FSCN1: variants seen among roughly 807,000 people sequenced by gnomAD.
FSCN1 encodes fascin.
In FSCN1, 10 loss-of-function variants were observed where a neutral mutation model predicts 39.7. That is an observed-to-expected ratio of 0.25 (90% CI 0.16 to 0.43). The LOEUF (loss-of-function observed/expected upper bound fraction) is 0.43, where lower values mean the gene tolerates loss of function less well. Ranked by LOEUF, FSCN1 falls within the 20% of genes least tolerant of loss-of-function variation. FSCN1 has a pLI of 1.00. For synonymous variants in FSCN1, 322 were observed against 320.0 expected (o/e 1.01, Z -0.07); for missense variants, 525 against 723.8 (o/e 0.73, Z 3.15).
At chr7:5,596,029 G>A (rs1409754516) in intron 1 of FSCN1, among the ~76,000 whole-genome samples, 1 of 151,666 alleles carries the variant, frequency 6.6e-6, no homozygotes, top group Non-Finnish European at 1.5e-5. Flanking sequence ...GTGGGACGGC[G>A]CGGGGGTGGG....
rs1356030754 is a variant in FSCN1, at chr7:5,593,651, A to G, written c.715A>G (p.Thr239Ala). The change falls in exon 1 of 5, where the codon ACG becomes GCG. Residue 239 changes from threonine to alanine, a missense_variant. Around this residue, in one of 3 missense-constraint regions of FSCN1, gnomAD observed 4 missense variants for 21.3 expected, o/e 0.19. Transcript: ENST00000382361. ...RYLAPSGPSG[T>A]LKAGKATKVG... Reference sequence around the variant, plus strand: ...CCTGGCGCCGTCGGGGCCCAGCGGCACGCTCAAGGCGGGCAAGGCCACCAA... The same window carrying G: ...CCTGGCGCCGTCGGGGCCCAGCGGCGCGCTCAAGGCGGGCAAGGCCACCAA... 1.0e-5 allele frequency: 16 copies of G among 1,578,750 alleles called. No homozygotes were observed. The highest frequency in any genetic ancestry group is 1.3e-5 in the Non-Finnish European group (15 of 1,169,836).
At chr7:5,596,256 G>T (rs1452813419) in intron 1 of FSCN1, among the ~76,000 whole-genome samples, 1 of 152,170 alleles carries the variant, frequency 6.6e-6, no homozygotes, top group African/African-American at 2.4e-5. Flanking sequence ...AGCCAGGAAG[G>T]GGAGGATCCG....
Position 5,593,653 on chromosome 7 carries a change from G to A in FSCN1, c.717G>A (p.Thr239=), listed in dbSNP as rs1394134922. Residue 239 remains threonine (T), a synonymous_variant, in exon 1 of 5, where the codon ACG becomes ACA. Coordinates refer to ENST00000382361, the MANE Select transcript of FSCN1 (RefSeq NM_003088.4). ...TGGCGCCGTCGGGGCCCAGCGGCAC[G>A]CTCAAGGCGGGCAAGGCCACCAAGG... ...RYLAPSGPSG[T]LKAGKATKVG... is the part of the protein sequence containing the mutation. The A allele has an allele frequency of 9.5e-6, 15 of 1,580,308 alleles. No individual in the cohort carries two copies. In the East Asian group the frequency reaches 3.2e-4, roughly 34 times the overall value.
At chr7:5,596,281 G>A (rs917888310) in intron 1 of FSCN1, among the ~76,000 whole-genome samples, 2 of 152,166 alleles carry the variant, frequency 1.3e-5, no homozygotes, top group African/African-American at 2.4e-5. Context: ...TAGCTGGCAG[G>A]GGGGATGTGA....
Position 5,592,895 on chromosome 7 carries a change from C to A in FSCN1, c.-42C>A. The stretch of plus-strand genomic sequence containing the variant: ...GGCGCCGCCGCAGGGACCCGCCACC[C>A]ACCTCCCGGGGCCGCGCAGCGGCCT... On this transcript the variant is annotated 5_prime_UTR_variant, in exon 1 of 5. Coordinates refer to ENST00000382361, the MANE Select transcript of FSCN1 (RefSeq NM_003088.4). This position sits in a 1 kb window ranked among gnomAD's most constrained non-coding sequence, Gnocchi z 5.3. The A allele has an allele frequency of 7.7e-7, 1 of 1,291,598 alleles. No homozygotes were observed. Among genetic ancestry groups the A allele is most frequent in the South Asian group, 1.5e-5 (1 of 64,862 alleles). The allele number at this position is 1,291,598 out of a possible 1,614,324, so 80.0% of individuals were successfully genotyped here.
In FSCN1 at chr7:5,603,462, C is replaced by T; in HGVS notation, c.990-34C>T. 1 of 1,614,016 alleles carries T rather than the reference C, an allele frequency of 6.2e-7. No individual in the cohort carries two copies. The highest frequency in any genetic ancestry group is 8.5e-7 in the Non-Finnish European group (1 of 1,179,994). ...CACCGCCCCCACCACCTTGCCTGGG[C>T]TACCCCGCCTGACCCTGTCCCGCCA... On this transcript the variant is annotated intron_variant, in intron 2 of 4. Coordinates refer to ENST00000382361, the MANE Select transcript of FSCN1 (RefSeq NM_003088.4). The surrounding 1 kb of genome is among the most constrained non-coding windows in gnomAD (Gnocchi z 8.5).
chr7:5,595,107 G>C (rs1360828277), intron 1 of FSCN1, among the ~76,000 whole-genome samples: 4 of 152,220 alleles, frequency 2.6e-5, no homozygotes, highest in African/African-American at 9.6e-5. Flanking sequence ...GAGATGGCTG[G>C]ACGGGAGCCC....
intron 1 of FSCN1, among the ~76,000 whole-genome samples, chr7:5,594,363 G>C (rs999393297): frequency 1.3e-5 from 2 of 151,884 alleles, no homozygotes; most frequent in Admixed American, 6.5e-5. Flanking sequence ...TCCGCTGGTG[G>C]GGGGGGGCGC....
rs1785939500 is a variant in FSCN1, at chr7:5,606,646, T to G, written c.*1172T>G. ...AATAGCGAAATAAAATAACTCAGTC[T>G]GCAGCCCCAGGCCGGCCTGTGTGTG... On this transcript the variant is annotated 3_prime_UTR_variant, in exon 5 of 5. Transcript: ENST00000382361. The surrounding 1 kb of genome is among the most constrained non-coding windows in gnomAD (Gnocchi z 5.1). 6.9e-6 allele frequency: 1 copy of G among 143,964 alleles called. No homozygotes were observed. Among genetic ancestry groups the G allele is most frequent in the African/African-American group, 2.5e-5 (1 of 39,310 alleles). The allele number at this position is 143,964 out of a possible 1,614,324, so 8.9% of individuals were successfully genotyped here. A position where few individuals can be genotyped will look rare whatever the true frequency, so the allele number is the denominator to read the frequency against.
In FSCN1 at chr7:5,593,235, G is replaced by T. The variant is rs755393215; in HGVS notation, c.299G>T (p.Arg100Leu). 6.2e-6 allele frequency: 10 copies of T among 1,608,126 alleles called. No individual in the cohort carries two copies. Among genetic ancestry groups the T allele is most frequent in the Admixed American group, 1.7e-5 (1 of 59,650 alleles). Reference protein sequence around the residue: ...RFLIVAHDDGRWSLQSEAHRR... With the variant: ...RFLIVAHDDGLWSLQSEAHRR... ...CTCATCGTGGCGCACGACGACGGTC[G>T]CTGGTCGCTGCAGTCCGAGGCGCAC... Residue 100 changes from arginine to leucine, a missense_variant, in exon 1 of 5, where the codon CGC becomes CTC. By Grantham distance (102) the Arg-to-Leu change is moderately radical. Coordinates refer to ENST00000382361, the MANE Select transcript of FSCN1 (RefSeq NM_003088.4).
intron 1 of FSCN1, among the ~76,000 whole-genome samples, chr7:5,598,582 G>A (rs1343644940): frequency 6.6e-6 from 1 of 152,234 alleles, no homozygotes; most frequent in Non-Finnish European, 1.5e-5. Context: ...TTGCAAGGCT[G>A]TGTGAGGACG....
chr7:5,599,621 C>A lies in FSCN1; in HGVS notation c.833-3636C>A, dbSNP rs1163006658. ...GAGTCCTGGAGTTTGGGCAACATAG[C>A]GAGACCACCCCCATCTCTACAAAAT... On this transcript the variant is annotated intron_variant, in intron 1 of 4. Coordinates refer to ENST00000382361, the MANE Select transcript of FSCN1 (RefSeq NM_003088.4). The surrounding 1 kb of genome is among the most constrained non-coding windows in gnomAD (Gnocchi z 5.6). 6.6e-6 allele frequency among the ~76,000 whole-genome samples: 1 copy of A among 151,906 alleles called. No individual in the cohort carries two copies. Among genetic ancestry groups the A allele is most frequent in the Admixed American group, 6.6e-5 (1 of 15,254 alleles).
Position 5,605,536 on chromosome 7 carries a change from C to A in FSCN1, c.*62C>A. 5.6e-6 allele frequency: 7 copies of A among 1,258,516 alleles called. No homozygotes were observed. The highest frequency in any genetic ancestry group is 7.7e-6 in the Non-Finnish European group (7 of 911,070). The allele number at this position is 1,258,516 out of a possible 1,614,324, so 78.0% of individuals were successfully genotyped here. On this transcript the variant is annotated 3_prime_UTR_variant, in exon 5 of 5. Transcript: ENST00000382361. The surrounding 1 kb of genome is among the most constrained non-coding windows in gnomAD (Gnocchi z 6.9). The stretch of plus-strand genomic sequence containing the variant: ...GGCTCCTGCCAACCCTCCCTGCTAA[C>A]CCCTTCTCCGCCAGGTGGGCTCCAG...
At position 5,594,360 on chromosome 7, in the gene FSCN1, GT is replaced by G. The variant is rs914543163; in HGVS notation, c.832+593del. On this transcript the variant is annotated intron_variant, in intron 1 of 4. Coordinates refer to ENST00000382361, the MANE Select transcript of FSCN1 (RefSeq NM_003088.4). ...TGCCGGGCGGGGTCGGCCTCCGCTG[GT>G]GGGGGGGGGCGCGGGGTGTCAGCCC... 6.7e-5 allele frequency among the ~76,000 whole-genome samples: 9 copies of G among 135,112 alleles called. No individual in the cohort carries two copies. In the South Asian group the frequency reaches 7.5e-4, roughly 11 times the overall value. 88.6% of individuals were successfully genotyped at this position (135,112 alleles called of 152,430 possible).
rs1439027649 is a variant in FSCN1, at chr7:5,603,409, A to G, written c.985A>G (p.Ser329Gly). 6.2e-7 allele frequency: 1 copy of G among 1,613,642 alleles called. No individual in the cohort carries two copies. Among genetic ancestry groups the G allele is most frequent in the African/African-American group, 1.3e-5 (1 of 74,932 alleles). The change falls in exon 2 of 5, where the codon AGC (serine) becomes GGC (glycine). Residue 329 changes from serine to glycine, a missense_variant. This residue lies in a region of FSCN1 where 275 missense variants were observed against 351.9 expected (regional missense o/e 0.78). Transcript: ENST00000382361. This position sits in a 1 kb window ranked among gnomAD's most constrained non-coding sequence, Gnocchi z 8.5. ...CGGGGGCGTGCAGTCCACCGCCTCCAGCAAGTGAGTGCCTCGCTCCCACCT... is the reference window on the plus strand; with the variant it reads ...CGGGGGCGTGCAGTCCACCGCCTCCGGCAAGTGAGTGCCTCGCTCCCACCT... ...ATGGVQSTAS[S>G]KNASCYFDIE...
Position 5,599,851 on chromosome 7 carries a change from C to G in FSCN1, c.833-3406C>G, listed in dbSNP as rs1396436135. Among the ~76,000 whole-genome samples the G allele has an allele frequency of 1.3e-5, 2 of 152,076 alleles. No homozygotes were observed. Among genetic ancestry groups the G allele is most frequent in the African/African-American group, 2.4e-5 (1 of 41,400 alleles). ...AGGATGTGTCCTCTGGGTGTGGGCTCTACCACCCACCAGCCTCCCTCTCCT... is the reference window on the plus strand; with the variant it reads ...AGGATGTGTCCTCTGGGTGTGGGCTGTACCACCCACCAGCCTCCCTCTCCT... On this transcript the variant is annotated intron_variant, in intron 1 of 4. Transcript: ENST00000382361. The surrounding 1 kb of genome is among the most constrained non-coding windows in gnomAD (Gnocchi z 5.6).
rs1241932036 is a variant in FSCN1, at chr7:5,599,138, T to C, written c.833-4119T>C. On this transcript the variant is annotated intron_variant, in intron 1 of 4. Coordinates refer to ENST00000382361, the MANE Select transcript of FSCN1 (RefSeq NM_003088.4). This position sits in a 1 kb window ranked among gnomAD's most constrained non-coding sequence, Gnocchi z 5.6. ...TCCCGGCACCCTGGGACCCAGCCCC[T>C]GCTCACCTTATCCTCCTCCCGTGCT... 6.6e-6 allele frequency among the ~76,000 whole-genome samples: 1 copy of C among 151,966 alleles called. No homozygotes were observed. The highest frequency in any genetic ancestry group is 6.6e-5 in the Admixed American group (1 of 15,266).
At position 5,593,148 on chromosome 7, in the gene FSCN1, C is replaced by T; in HGVS notation, c.212C>T (p.Ala71Val). 6.2e-7 allele frequency: 1 copy of T among 1,602,754 alleles called. No individual in the cohort carries two copies. Among genetic ancestry groups the T allele is most frequent in the Non-Finnish European group, 8.5e-7 (1 of 1,175,836 alleles). Reference protein sequence around the residue: ...CLRSHLGRYLAADKDGNVTCE... With the variant: ...CLRSHLGRYLVADKDGNVTCE... ...CGCAGCCACCTGGGCCGCTACCTGGCGGCGGACAAGGACGGCAACGTGACC... is the reference window on the plus strand; with the variant it reads ...CGCAGCCACCTGGGCCGCTACCTGGTGGCGGACAAGGACGGCAACGTGACC... Residue 71 changes from alanine (A) to valine (V), a missense_variant, in exon 1 of 5, where the codon GCG (alanine) becomes GTG (valine). Transcript: ENST00000382361.
At position 5,603,320 on chromosome 7, in the gene FSCN1, A is replaced by G. The variant is rs1367197937; in HGVS notation, c.896A>G (p.Asp299Gly). The G allele has an allele frequency of 6.2e-7, 1 of 1,613,418 alleles. No individual in the cohort carries two copies. The highest frequency in any genetic ancestry group is 2.2e-5 in the East Asian group (1 of 44,874). ...CAGGAGACCTTCCAGCTGGAGATCG[A>G]CCGCGACACCAAAAAGTGTGCCTTC... ...TDQETFQLEIDRDTKKCAFRT... is the reference protein window; with the variant it reads ...TDQETFQLEIGRDTKKCAFRT... Residue 299 changes from aspartate to glycine, a missense_variant, in exon 2 of 5, where the codon GAC (aspartate) becomes GGC (glycine). Asp to Gly is a moderately conservative substitution (Grantham distance 94). Coordinates refer to ENST00000382361, the MANE Select transcript of FSCN1 (RefSeq NM_003088.4). This position sits in a 1 kb window ranked among gnomAD's most constrained non-coding sequence, Gnocchi z 8.5.
Sources: gnomAD v4.1 joint callset for allele counts (sites outside exome capture counted in the v4.1 genomes callset) on GRCh38, gnomAD v4.1.1 for gene constraint, gnomAD v4.1.1 regional missense constraint, Gnocchi (gnomAD v3.1) non-coding constraint, MANE v1.5 for transcripts, NCBI Gene and HGNC (gene_info 2026-07-23, HGNC 2026-07-21) for gene names.